Variants in NCOA2 observed in about 807,000 individuals in gnomAD.
The protein encoded by NCOA2 is nuclear receptor coactivator 2.
A neutral mutation model predicts 145.1 loss-of-function variants in NCOA2; 21 were observed. That is an observed-to-expected ratio of 0.14 (90% confidence interval 0.10 to 0.21). NCOA2 has a LOEUF of 0.21. Ranked by LOEUF, NCOA2 falls within the 10% of genes least tolerant of loss-of-function variation. The pLI, the probability that NCOA2 is intolerant of heterozygous loss-of-function variation, is 1.00. For missense variants in NCOA2, 1,472 were observed against 1,837.6 expected (o/e 0.80, Z 3.64); for synonymous variants, 619 against 637.5 (o/e 0.97, Z 0.44).
intron 1 of NCOA2, among the ~76,000 whole-genome samples, chr8:70,337,014 C>T (rs1445811836): frequency 6.6e-6 from 1 of 151,978 alleles, no homozygotes; most frequent in East Asian, 1.9e-4. Context: ...CAATAGGTGT[C>T]CCACAAATAT....
intron 1 of NCOA2, among the ~76,000 whole-genome samples, chr8:70,383,063 G>A (rs988461910): frequency 6.6e-6 from 1 of 152,218 alleles, no homozygotes; most frequent in Non-Finnish European, 1.5e-5. Context: ...ACCCACTGCA[G>A]AGGCATCTAC....
the NCOA2 span, among the ~76,000 whole-genome samples, chr8:70,429,014 G>C: frequency 6.6e-6 from 1 of 152,182 alleles, no homozygotes; most frequent in Non-Finnish European, 1.5e-5. Context: ...AACTATTTTG[G>C]AGTCTCTGCA....
intron 1 of NCOA2, among the ~76,000 whole-genome samples, chr8:70,305,066 T>G (rs1188081120): frequency 1.3e-5 from 2 of 149,118 alleles, no homozygotes; most frequent in African/African-American, 5.0e-5. Flanking sequence ...TTTTTTTTTT[T>G]GTAGAGATGG....
intron 2 of NCOA2, among the ~76,000 whole-genome samples, chr8:70,223,758 T>C (rs1820367016): frequency 6.6e-6 from 1 of 152,202 alleles, no homozygotes; most frequent in Admixed American, 6.5e-5. Context: ...TAAAGTAACT[T>C]GAACAAGGCC....
intron 4 of NCOA2, among the ~76,000 whole-genome samples, chr8:70,183,295 G>A (rs1815689194): frequency 6.6e-6 from 1 of 152,176 alleles, no homozygotes; most frequent in Admixed American, 6.5e-5. Flanking sequence ...TTATGAGTAA[G>A]CCTGTCAAAA....
intron 1 of NCOA2, among the ~76,000 whole-genome samples, chr8:70,398,325 G>C (rs1813886355): frequency 6.6e-6 from 1 of 152,106 alleles, no homozygotes; most frequent in Admixed American, 6.6e-5. Context: ...TAGGCGTGGA[G>C]ACACACACCT....
intron 1 of NCOA2, among the ~76,000 whole-genome samples, chr8:70,364,438 A>T (rs901472283): frequency 2.6e-5 from 4 of 152,238 alleles, no homozygotes; most frequent in African/African-American, 9.6e-5. Context: ...GAAAAATGCA[A>T]TGTTTTTGAA....
At chr8:70,213,636 G>T (rs1240956161) in intron 4 of NCOA2, among the ~76,000 whole-genome samples, 6 of 152,054 alleles carry the variant, frequency 3.9e-5, no homozygotes, top group African/African-American at 1.4e-4. Context: ...GAGAATTGTG[G>T]GCACCTAACT....
At chr8:70,139,125 A>C (rs1273933271) in intron 14 of NCOA2, among the ~76,000 whole-genome samples, 1 of 152,230 alleles carries the variant, frequency 6.6e-6, no homozygotes, top group African/African-American at 2.4e-5. Flanking sequence ...TCTTTCTCCG[A>C]AGTTCTTCGA....
At chr8:70,369,882 T>C (rs892108193) in intron 1 of NCOA2, among the ~76,000 whole-genome samples, 1 of 152,084 alleles carries the variant, frequency 6.6e-6, no homozygotes, top group Non-Finnish European at 1.5e-5. Context: ...TTAATCTTTT[T>C]TTTTTTTCAG....
the NCOA2 span, among the ~76,000 whole-genome samples, chr8:70,417,266 A>AAC: frequency 6.8e-6 from 1 of 146,084 alleles, no homozygotes; most frequent in East Asian, 2.0e-4. Flanking sequence ...AAAAAAAAAA[A>AAC]GGCCAGGCGC....
intron 1 of NCOA2, among the ~76,000 whole-genome samples, chr8:70,393,833 G>A (rs1813420443): frequency 2.0e-5 from 3 of 152,230 alleles, no homozygotes; most frequent in Admixed American, 2.0e-4. Flanking sequence ...TTGATTGCAT[G>A]AGTGTCCTTT....
At chr8:70,364,028 A>G (rs950407733) in intron 1 of NCOA2, among the ~76,000 whole-genome samples, 1 of 152,084 alleles carries the variant, frequency 6.6e-6, no homozygotes, top group African/African-American at 2.4e-5. Flanking sequence ...AAAAACCCAC[A>G]AATAAAGACT....
chr8:70,259,365 C>G (rs576353351), intron 2 of NCOA2, among the ~76,000 whole-genome samples: 8 of 152,220 alleles, frequency 5.3e-5, no homozygotes, highest in African/African-American at 1.9e-4. Context: ...TTATTTTGCC[C>G]TAAGTATATT....
the NCOA2 span, among the ~76,000 whole-genome samples, chr8:70,438,294 A>G: frequency 6.6e-6 from 1 of 152,220 alleles, no homozygotes; most frequent in Non-Finnish European, 1.5e-5. Context: ...TAGGGTTTCT[A>G]TTAAAAGTGT....
intron 1 of NCOA2, among the ~76,000 whole-genome samples, chr8:70,364,449 G>A (rs751359789): frequency 3.9e-5 from 6 of 152,144 alleles, no homozygotes; most frequent in Non-Finnish European, 8.8e-5. Context: ...TGTTTTTGAA[G>A]ACAAAATGTG....
chr8:70,143,784 A>G (rs994972348), intron 13 of NCOA2, among the ~76,000 whole-genome samples: 1 of 152,240 alleles, frequency 6.6e-6, no homozygotes, highest in African/African-American at 2.4e-5. Flanking sequence ...ACCTACCACT[A>G]TAAGTTCTTC....
chr8:70,328,671 G>A (rs1204905913), intron 1 of NCOA2, among the ~76,000 whole-genome samples: 1 of 152,038 alleles, frequency 6.6e-6, no homozygotes, highest in Non-Finnish European at 1.5e-5. Context: ...CTATTCATCT[G>A]TACACACAGA....
At chr8:70,186,635 T>C (rs1027735324) in intron 4 of NCOA2, among the ~76,000 whole-genome samples, 1 of 152,202 alleles carries the variant, frequency 6.6e-6, no homozygotes, top group African/African-American at 2.4e-5. Flanking sequence ...AATATGCTAC[T>C]ACAAAATTTT....
Sources: gnomAD v4.1 joint callset for allele counts (sites outside exome capture counted in the v4.1 genomes callset) on GRCh38, gnomAD v4.1.1 for gene constraint, MANE v1.5 for transcripts, NCBI Gene and HGNC (gene_info 2026-07-23, HGNC 2026-07-21) for gene names.